Variants in DMD observed in about 807,000 individuals in gnomAD.
The protein encoded by DMD is mutant dystrophin.
Under a neutral mutation model 330.1 loss-of-function variants are expected in DMD, and 63 were observed. The observed-to-expected ratio is 0.19, with a 90% confidence interval of 0.16 to 0.24. The LOEUF is 0.24. DMD is among the 10% of genes least tolerant of loss of function. DMD has a pLI of 1.00. For synonymous variants in DMD, 1,223 were observed against 959.8 expected, an observed-to-expected ratio of 1.27 and a Z score of -5.07; for missense variants, 3,344 against 2,684.1, an observed-to-expected ratio of 1.25 and a Z score of -5.43.
At chrX:31,706,942 G>A (rs909415610) in intron 52 of DMD, among the ~76,000 whole-genome samples, 3 of 112,058 alleles carry the variant, frequency 2.7e-5, no homozygotes, top group Non-Finnish European at 3.8e-5. Context: ...TCTTGAGACA[G>A]GCATTAGCAA....
chrX:32,734,276 C>G lies in DMD; in HGVS notation c.650-34983G>C, dbSNP rs372580074. Reference sequence around the variant, plus strand: ...CTGAAATTGTGGCAATAATCAATAGCTTACCAACCAAAAAGAGTCCAGGAC... The same window carrying G: ...CTGAAATTGTGGCAATAATCAATAGGTTACCAACCAAAAAGAGTCCAGGAC... On this transcript the variant is annotated intron_variant, in intron 7 of 78. Coordinates refer to ENST00000357033, the MANE Select transcript of DMD (RefSeq NM_004006.3). Among the ~76,000 whole-genome samples the G allele has an allele frequency of 3.8e-3, 367 of 96,355 alleles. 3 individuals are homozygous for G. Among genetic ancestry groups the G allele is most frequent in the African/African-American group, 0.015 (344 of 22,490 alleles). The allele number at this position is 96,355 out of a possible 115,157, so 83.7% of individuals were successfully genotyped here. A position where few individuals can be genotyped will look rare whatever the true frequency, so the allele number is the denominator to read the frequency against.
At chrX:32,529,939 G>A (rs2148875506) in intron 17 of DMD, among the ~76,000 whole-genome samples, 1 of 110,878 alleles carries the variant, frequency 9.0e-6, no homozygotes, top group African/African-American at 3.3e-5. Flanking sequence ...TGTATTTCTA[G>A]TTTTATATGT....
intron 55 of DMD, among the ~76,000 whole-genome samples, chrX:31,595,214 G>C (rs1285053609): frequency 1.8e-5 from 2 of 111,368 alleles, no homozygotes; most frequent in African/African-American, 3.3e-5. Context: ...ATGGAAGAAA[G>C]TCTGTTTAGT....
chrX:31,797,000 A>G (rs1027417989), intron 50 of DMD, among the ~76,000 whole-genome samples: 5 of 111,861 alleles, frequency 4.5e-5, no homozygotes, highest in Admixed American at 9.5e-5. Flanking sequence ...GCTTTTTTGT[A>G]CAGCCTGCAG....
intron 62 of DMD, among the ~76,000 whole-genome samples, chrX:31,274,689 GT>G (rs1334115726): frequency 1.8e-5 from 2 of 112,245 alleles, no homozygotes; most frequent in East Asian, 2.8e-4. Context: ...TTCCAAGAAT[GT>G]TTTTTATGTG....
chrX:32,499,811 G>A (rs973980657), intron 19 of DMD, among the ~76,000 whole-genome samples: 2 of 111,034 alleles, frequency 1.8e-5, no homozygotes, highest in African/African-American at 3.3e-5. Flanking sequence ...ACCTGAAGGG[G>A]TACTTCAGGC....
chrX:31,766,037 T>C (rs2089972414), intron 51 of DMD, among the ~76,000 whole-genome samples: 1 of 110,663 alleles, frequency 9.0e-6, no homozygotes, highest in South Asian at 3.8e-4. Flanking sequence ...GGACCAAAAG[T>C]TATGGTGAAA....
chrX:32,105,684 T>A lies in DMD; in HGVS notation c.6438+111232A>T, dbSNP rs139863441. 2.6e-3 allele frequency among the ~76,000 whole-genome samples: 287 copies of A among 112,123 alleles called. 2 individuals carry two copies. The highest frequency in any genetic ancestry group is 5.2e-3 in the African/African-American group (160 of 30,973). On this transcript the variant is annotated intron_variant, in intron 44 of 78. Coordinates refer to ENST00000357033, the MANE Select transcript of DMD (RefSeq NM_004006.3). ...CTGTCACACAAAGCTCAGTTCCTTT[T>A]CATGGCTATAAATTACATTTCAGAA...
At chrX:31,505,691 T>A (rs2070870165) in intron 56 of DMD, among the ~76,000 whole-genome samples, 1 of 110,971 alleles carries the variant, frequency 9.0e-6, no homozygotes, top group Admixed American at 9.6e-5. Context: ...TGGAGTGAAG[T>A]GGTGCGATCT....
At chrX:33,085,110 AT>A (rs1412635316) in intron 1 of DMD, among the ~76,000 whole-genome samples, 1 of 111,491 alleles carries the variant, frequency 9.0e-6, no homozygotes, top group African/African-American at 3.3e-5. Context: ...GGCTTTCAGA[AT>A]TGTACAAAAC....
At chrX:32,085,265 C>A (rs2096422707) in intron 44 of DMD, among the ~76,000 whole-genome samples, 1 of 110,255 alleles carries the variant, frequency 9.1e-6, no homozygotes, top group Non-Finnish European at 1.9e-5. Flanking sequence ...TGTATGCATA[C>A]ATATACACAT....
intron 7 of DMD, chrX:32,754,862 C>T (rs939853488): frequency 9.0e-6 from 1 of 111,683 alleles, no homozygotes; most frequent in Non-Finnish European, 1.9e-5. Context: ...ATCATTGTGA[C>T]TTCTGTGCCT....
chrX:32,914,455 G>A (rs1043306942), intron 2 of DMD, among the ~76,000 whole-genome samples: 34 of 112,335 alleles, frequency 3.0e-4, no homozygotes, highest in Non-Finnish European at 1.5e-4. Flanking sequence ...GTTTGCTTTG[G>A]CTAAAGTTTA....
At chrX:32,779,150 T>C (rs35944224) in intron 7 of DMD, among the ~76,000 whole-genome samples, 51 of 111,290 alleles carry the variant, frequency 4.6e-4, no homozygotes, top group Non-Finnish European at 7.9e-4. Context: ...GTATGAATTA[T>C]TTCATCATTC....
rs2061072591 is a variant in DMD at position 31,399,097 on chromosome X, G to T, written c.9084+45384C>A. On this transcript the variant is annotated intron_variant, in intron 60 of 78. Transcript: ENST00000357033. ...TAACAGCTCAGTGGAGGGTCAGTGT[G>T]ACAGCCTTTTTCACCCACACGCATG... Among the ~76,000 whole-genome samples the T allele has an allele frequency of 4.5e-5, 5 of 111,298 alleles. No individual in the cohort carries two copies. In the Admixed American group the frequency reaches 4.8e-4, roughly 11 times the overall value.
intron 43 of DMD, among the ~76,000 whole-genome samples, chrX:32,265,672 C>T (rs754426160): frequency 1.8e-5 from 2 of 112,550 alleles, no homozygotes; most frequent in Non-Finnish European, 3.8e-5. Flanking sequence ...CTTGCATCAG[C>T]GTGACCTGGA....
At chrX:31,820,904 C>T (rs1186046255) in intron 49 of DMD, among the ~76,000 whole-genome samples, 4 of 111,791 alleles carry the variant, frequency 3.6e-5, no homozygotes, top group Admixed American at 9.5e-5. Context: ...ATTCCTACCA[C>T]GGTTAAATTT....
chrX:31,127,227 CAGAA>C (rs923595696), intron 77 of DMD, among the ~76,000 whole-genome samples: 5 of 111,665 alleles, frequency 4.5e-5, no homozygotes, highest in African/African-American at 6.5e-5. Context: ...TTTGAGAAAA[CAGAA>C]AGAACAGATG....
chrX:31,189,247 A>T (rs1412363233), intron 67 of DMD, among the ~76,000 whole-genome samples: 2 of 111,702 alleles, frequency 1.8e-5, no homozygotes, highest in Non-Finnish European at 3.8e-5. Context: ...GAGGTTTGTG[A>T]AAACCATGTG....
Sources: allele counts gnomAD v4.1 joint callset (sites outside exome capture counted in the v4.1 genomes callset), GRCh38; gene constraint gnomAD v4.1.1; transcripts MANE v1.5; gene names NCBI Gene and HGNC (gene_info 2026-07-23, HGNC 2026-07-21).